RHOBTB1: variants seen among roughly 807,000 people sequenced by gnomAD.
The protein encoded by RHOBTB1 is rho-related BTB domain-containing protein 1.
A neutral mutation model predicts 71.6 loss-of-function variants in RHOBTB1; 40 were observed. The ratio of observed to expected loss-of-function variants is 0.56; its 90% CI spans 0.43 to 0.73. The LOEUF is 0.73. Among genes scored for constraint, RHOBTB1 ranks in the 30% least tolerant of loss-of-function variants. RHOBTB1 has a pLI of 0.00. For missense variants in RHOBTB1, 797 were observed against 894.0 expected, an observed-to-expected ratio of 0.89 and a Z score of 1.38; for synonymous variants, 319 against 334.9, an observed-to-expected ratio of 0.95 and a Z score of 0.52.
intron 7 of RHOBTB1, among the ~76,000 whole-genome samples, chr10:60,882,993 T>C (rs1330104246): frequency 1.3e-5 from 2 of 152,218 alleles, no homozygotes; most frequent in African/African-American, 2.4e-5. Flanking sequence ...AAAGGTTTTC[T>C]TGTTATCCCC....
chr10:60,879,766 T>C lies in RHOBTB1; in HGVS notation c.1576-1708A>G, dbSNP rs373407479. 2.6e-5 allele frequency among the ~76,000 whole-genome samples: 4 copies of C among 152,246 alleles called. No homozygotes were observed. The South Asian group carries it at 6.2e-4, about 24-fold the overall frequency. On this transcript the variant is annotated intron_variant, in intron 7 of 10. Transcript: ENST00000337910. ...GGTTACATCTATATATTTTGTATGA[T>C]TGCACCTCTCTCTCCATACACATGC... is the stretch of plus-strand genomic sequence containing the variant.
At chr10:60,958,180 T>G (rs2134479257) in intron 2 of RHOBTB1, among the ~76,000 whole-genome samples, 1 of 152,290 alleles carries the variant, frequency 6.6e-6, no homozygotes, top group Non-Finnish European at 1.5e-5. Context: ...GAACTTGAGG[T>G]GAACCCATTT....
At position 60,869,589 on chromosome 10, in the gene RHOBTB1, C is replaced by CA. The variant is rs1163310838; in HGVS notation, c.*1892_*1893insT. The CA allele has an allele frequency of 2.0e-5, 3 of 152,594 alleles. No homozygotes were observed. The highest frequency in any genetic ancestry group is 4.4e-5 in the Non-Finnish European group (3 of 68,030). The allele number at this position is 152,594 out of a possible 1,614,324, so 9.5% of individuals were successfully genotyped here. A position where few individuals can be genotyped will look rare whatever the true frequency, so the allele number is the denominator to read the frequency against. ...ACACTAGTGGATATTATTGCTTATA[C>CA]CCCAAGTTCATTTATACATCCATTA... On this transcript the variant is annotated 3_prime_UTR_variant, in exon 11 of 11. Transcript: ENST00000337910.
chr10:60,899,497 G>C (rs897340180), intron 4 of RHOBTB1, among the ~76,000 whole-genome samples: 1 of 152,164 alleles, frequency 6.6e-6, no homozygotes, highest in African/African-American at 2.4e-5. Flanking sequence ...TAACCTCCCC[G>C]ACTCTTCTGA....
intron 2 of RHOBTB1, among the ~76,000 whole-genome samples, chr10:60,958,710 C>T (rs1310586448): frequency 1.3e-5 from 2 of 152,080 alleles, no homozygotes; most frequent in Admixed American, 6.6e-5. Flanking sequence ...AGGTGATCCT[C>T]CTACCTGAGT....
intron 4 of RHOBTB1, among the ~76,000 whole-genome samples, chr10:60,907,186 C>T (rs2082721515): frequency 6.6e-6 from 1 of 152,172 alleles, no homozygotes; most frequent in African/African-American, 2.4e-5. Context: ...TATAAATTAC[C>T]TAGTCTCAAA....
In RHOBTB1 at chr10:60,908,919, T is replaced by C. The variant is rs572128024; in HGVS notation, c.296+1968A>G. Among the ~76,000 whole-genome samples, 5 of 152,306 alleles carry C rather than the reference T, an allele frequency of 3.3e-5. No homozygotes were observed. The South Asian group carries it at 8.3e-4, about 25-fold the overall frequency. ...CAGGAGTGTTCCTGAAGCCCCTCAA[T>C]GTTGCTCAGAGAATCAAACTTGGCT... On this transcript the variant is annotated intron_variant, in intron 4 of 10. Coordinates refer to ENST00000337910, the MANE Select transcript of RHOBTB1 (RefSeq NM_014836.5).
upstream of RHOBTB1, among the ~76,000 whole-genome samples, chr10:60,946,039 G>A (rs981692874): frequency 3.3e-5 from 5 of 152,266 alleles, no homozygotes; most frequent in South Asian, 2.1e-4. Context: ...TTGGCTGGGC[G>A]CGGTGGCGCA....
At chr10:60,867,465 C>T (rs1452797551), downstream of RHOBTB1, among the ~76,000 whole-genome samples, 3 of 152,214 alleles carry the variant, frequency 2.0e-5, no homozygotes, top group Non-Finnish European at 2.9e-5. Flanking sequence ...CATCTATGTT[C>T]TGTTGTAAAT....
At chr10:60,918,053 G>A (rs967744587) in intron 2 of RHOBTB1, among the ~76,000 whole-genome samples, 8 of 152,186 alleles carry the variant, frequency 5.3e-5, no homozygotes, top group African/African-American at 1.7e-4. Context: ...GTGCATGTGT[G>A]TGTGGTTATA....
intron 4 of RHOBTB1, among the ~76,000 whole-genome samples, chr10:60,899,929 G>A (rs1165575479): frequency 1.3e-5 from 2 of 151,918 alleles, no homozygotes; most frequent in East Asian, 1.9e-4. Context: ...GCCTCGCTGA[G>A]AAGGTGACAT....
intron 2 of RHOBTB1, among the ~76,000 whole-genome samples, chr10:60,972,872 G>A (rs1197542499): frequency 6.6e-6 from 1 of 151,830 alleles, no homozygotes; most frequent in Non-Finnish European, 1.5e-5. Flanking sequence ...CTGCTTGGAA[G>A]GTAGCCTCAC....
chr10:60,947,011 G>A (rs2085259647), upstream of RHOBTB1, among the ~76,000 whole-genome samples: 1 of 152,206 alleles, frequency 6.6e-6, no homozygotes, highest in African/African-American at 2.4e-5. Flanking sequence ...AGAGAAAGAC[G>A]TTGCCACATG....
the RHOBTB1 span, among the ~76,000 whole-genome samples, chr10:60,861,948 T>C: frequency 6.6e-6 from 1 of 152,328 alleles, no homozygotes; most frequent in Non-Finnish European, 1.5e-5. Flanking sequence ...TTGCTGCAGC[T>C]GGCAGGGTTG....
intron 6 of RHOBTB1, 105 bp downstream of exon 6, chr10:60,888,107 C>A: frequency 7.9e-7 from 1 of 1,263,776 alleles, no homozygotes. Flanking sequence ...AAAATAAGTA[C>A]GTATAAATGT....
chr10:60,986,565 T>C (rs1233258764), intron 1 of RHOBTB1, among the ~76,000 whole-genome samples: 1 of 151,602 alleles, frequency 6.6e-6, no homozygotes, highest in African/African-American at 2.4e-5. Flanking sequence ...GTAAGTCCTA[T>C]TCTTAGGAGA....
chr10:61,000,200 C>T (rs1428757247), intron 1 of RHOBTB1, among the ~76,000 whole-genome samples: 1 of 152,146 alleles, frequency 6.6e-6, no homozygotes, highest in Non-Finnish European at 1.5e-5. Context: ...ATTGCCAATA[C>T]ATGAAAACTT....
At chr10:60,950,231 T>C (rs937378659) in intron 2 of RHOBTB1, among the ~76,000 whole-genome samples, 29 of 152,212 alleles carry the variant, frequency 1.9e-4, no homozygotes, top group African/African-American at 6.8e-4. Flanking sequence ...AACAATTTAA[T>C]GTATAATGTG....
intron 2 of RHOBTB1, among the ~76,000 whole-genome samples, chr10:60,976,125 C>A (rs1358684361): frequency 6.6e-6 from 1 of 151,740 alleles, no homozygotes; most frequent in Non-Finnish European, 1.5e-5. Context: ...TAAATGCCAT[C>A]GAAAAAGTCT....
Sources: allele counts gnomAD v4.1 joint callset (sites outside exome capture counted in the v4.1 genomes callset), GRCh38; gene constraint gnomAD v4.1.1; transcripts MANE v1.5; gene names NCBI Gene and HGNC (gene_info 2026-07-23, HGNC 2026-07-21).